NIPA2: variants seen among roughly 807,000 people sequenced by gnomAD.
NIPA2 encodes the protein NIPA magnesium transporter 2.
Under a neutral mutation model 29.7 loss-of-function variants are expected in NIPA2, and 11 were observed. The ratio of observed to expected loss-of-function variants is 0.37; its 90% confidence interval spans 0.23 to 0.61. The LOEUF (loss-of-function observed/expected upper bound fraction) is 0.61. Among genes scored for constraint, NIPA2 ranks in the 20% least tolerant of loss-of-function variants. The pLI is 0.66. For missense variants in NIPA2, 426 were observed against 437.9 expected (o/e 0.97, Z 0.24); for synonymous variants, 183 against 161.9 (o/e 1.13, Z -0.99).
intron 2 of NIPA2, among the ~76,000 whole-genome samples, chr15:22,842,986 G>A (rs1471643620): frequency 6.7e-6 from 1 of 150,370 alleles, no homozygotes; most frequent in Non-Finnish European, 1.5e-5. Flanking sequence ...CTGGGCAACA[G>A]AGTGAGACTC....
At chr15:22,855,652 A>ACCT in intron 5 of NIPA2, among the ~76,000 whole-genome samples, 1 of 152,074 alleles carries the variant, frequency 6.6e-6, no homozygotes, top group East Asian at 1.9e-4. Flanking sequence ...TGGGAAGGAG[A>ACCT]AGGAGTGAAG....
intron 3 of NIPA2, among the ~76,000 whole-genome samples, chr15:22,847,271 CT>C (rs1899017262): frequency 6.6e-6 from 1 of 151,984 alleles, no homozygotes; most frequent in Non-Finnish European, 1.5e-5. Flanking sequence ...TGGATATCAT[CT>C]TTATTGGTAA....
chr15:22,864,610 C>CGG (rs1361198873), intron 7 of NIPA2, among the ~76,000 whole-genome samples: 4 of 152,150 alleles, frequency 2.6e-5, no homozygotes, highest in African/African-American at 9.7e-5. Flanking sequence ...CTCTGTGGCA[C>CGG]GGGAGGGACA....
chr15:22,861,377 C>G (rs1278815481), intron 7 of NIPA2, among the ~76,000 whole-genome samples: 4 of 152,152 alleles, frequency 2.6e-5, no homozygotes, highest in African/African-American at 9.7e-5. Flanking sequence ...ATCTGCATTT[C>G]TCTTCAGCAG....
In NIPA2 at chr15:22,866,887, G is replaced by C. The variant is rs972232120; in HGVS notation, c.*40G>C. On this transcript the variant is annotated 3_prime_UTR_variant, in exon 8 of 8. Transcript: ENST00000337451. ...AAGGTTAATCTGTGATTGTTATGAA[G>C]TGAATTTGAATATCATCAGAATGTG... is the stretch of plus-strand genomic sequence containing the variant. The C allele has an allele frequency of 6.6e-7, 1 of 1,505,626 alleles. No homozygotes were observed. Among genetic ancestry groups the C allele is most frequent in the Admixed American group, 2.1e-5 (1 of 47,506 alleles). The allele number at this position is 1,505,626 out of a possible 1,614,324, so 93.3% of individuals were successfully genotyped here.
chr15:22,866,203 C>T lies in NIPA2; in HGVS notation c.449-10C>T, dbSNP rs1255502230. The T allele has an allele frequency of 1.9e-6, 3 of 1,603,182 alleles. No individual in the cohort carries two copies. Among genetic ancestry groups the T allele is most frequent in the Non-Finnish European group, 1.7e-6 (2 of 1,172,438 alleles). ...ATTTGACTCATGTAACTTTTCTTTGCCTCCTCCAGGTTTTGTGGTCTTTGC... is the reference window on the plus strand; with the variant it reads ...ATTTGACTCATGTAACTTTTCTTTGTCTCCTCCAGGTTTTGTGGTCTTTGC... On this transcript the variant is annotated splice_polypyrimidine_tract_variant and intron_variant, in intron 7 of 7. Coordinates refer to ENST00000337451, the MANE Select transcript of NIPA2 (RefSeq NM_030922.7).
intron 4 of NIPA2, among the ~76,000 whole-genome samples, 177 bp downstream of exon 4, chr15:22,852,047 G>A (rs767793242): frequency 5.3e-5 from 8 of 152,200 alleles, no homozygotes; most frequent in Non-Finnish European, 1.2e-4. Flanking sequence ...AAAGAAGTGA[G>A]AAGATGTCAT....
intron 3 of NIPA2, among the ~76,000 whole-genome samples, chr15:22,847,154 C>T (rs557335583): frequency 6.6e-6 from 1 of 152,086 alleles, no homozygotes; most frequent in East Asian, 1.9e-4. Context: ...GATCTGCCCG[C>T]TTCTTCCTCC....
At chr15:22,851,158 G>T (rs8032659) in intron 3 of NIPA2, among the ~76,000 whole-genome samples, 8,701 of 152,116 alleles carry the variant, frequency 0.057, 846 homozygotes, top group African/African-American at 0.2. Context: ...CCTTCTCTCA[G>T]CACATCCCTG....
intron 5 of NIPA2, among the ~76,000 whole-genome samples, 182 bp downstream of exon 5, chr15:22,853,450 T>C (rs2057928447): frequency 6.6e-6 from 1 of 151,320 alleles, no homozygotes; most frequent in Non-Finnish European, 1.5e-5. Context: ...CTTGGCTCAG[T>C]GCAACCTCCA....
chr15:22,852,746 A>T (rs1028171243), intron 4 of NIPA2, among the ~76,000 whole-genome samples: 1 of 152,126 alleles, frequency 6.6e-6, no homozygotes, highest in African/African-American at 2.4e-5. Context: ...CCCGGTGTTA[A>T]GTGGCGTTAT....
At chr15:22,854,979 TTC>T (rs780484215) in intron 5 of NIPA2, among the ~76,000 whole-genome samples, 2 of 152,192 alleles carry the variant, frequency 1.3e-5, no homozygotes, top group Non-Finnish European at 2.9e-5. Flanking sequence ...AAGAGGAGAA[TTC>T]TGTTTTAATT....
chr15:22,866,800 A>G lies in NIPA2; in HGVS notation c.1036A>G (p.Thr346Ala), dbSNP rs767223257. ...CTTAACCTGTGGAATCGAACAACACACTGGTGAAAATGTCTCCCGAAGAAA... is the reference window on the plus strand; with the variant it reads ...CTTAACCTGTGGAATCGAACAACACGCTGGTGAAAATGTCTCCCGAAGAAA... ...ESLTCGIEQHTGENVSRRNGN... is the reference protein window; with the variant it reads ...ESLTCGIEQHAGENVSRRNGN... Residue 346 changes from threonine (T) to alanine (A), a missense_variant, in exon 8 of 8, where the codon ACT becomes GCT. By Grantham distance (58) the Thr-to-Ala change is moderately conservative. Around this residue, in one of 3 missense-constraint regions of NIPA2, gnomAD observed 357 missense variants for 339.8 expected, o/e 1.05. Transcript: ENST00000337451. 1 of 1,607,712 alleles carries G rather than the reference A, an allele frequency of 6.2e-7. No homozygotes were observed. Among genetic ancestry groups the G allele is most frequent in the South Asian group, 1.1e-5 (1 of 89,950 alleles).
chr15:22,841,118 G>C (rs145522254), intron 2 of NIPA2, among the ~76,000 whole-genome samples: 82 of 152,250 alleles, frequency 5.4e-4, no homozygotes, highest in Admixed American at 9.8e-4. Flanking sequence ...AATTGTATTA[G>C]AGATTTTCCT....
Position 22,866,587 on chromosome 15 carries a change from C to T in NIPA2, c.823C>T (p.Pro275Ser). ...TCTTTTTAAGGAGTGGCAAGATATGCCTGTTGACGATGTCATTGGTACTTT... is the reference window on the plus strand; with the variant it reads ...TCTTTTTAAGGAGTGGCAAGATATGTCTGTTGACGATGTCATTGGTACTTT... ...AILFKEWQDM[P>S]VDDVIGTLSG... Residue 275 changes from proline (P) to serine (S), a missense_variant, in exon 8 of 8, where the codon CCT becomes TCT. Coordinates refer to ENST00000337451, the MANE Select transcript of NIPA2 (RefSeq NM_030922.7). 1.2e-6 allele frequency: 2 copies of T among 1,614,074 alleles called. No individual in the cohort carries two copies. The highest frequency in any genetic ancestry group is 1.7e-6 in the Non-Finnish European group (2 of 1,179,996).
rs2059202567 is a variant in NIPA2, at chr15:22,867,637, T to A, written c.*790T>A. Reference sequence around the variant, plus strand: ...ATTTTCATAATGAGTTATATTGTCATTTAGACTTTGAACAGCTCTGGGAAA... The same window carrying A: ...ATTTTCATAATGAGTTATATTGTCAATTAGACTTTGAACAGCTCTGGGAAA... On this transcript the variant is annotated 3_prime_UTR_variant, in exon 8 of 8. Coordinates refer to ENST00000337451, the MANE Select transcript of NIPA2 (RefSeq NM_030922.7). 1 of 155,546 alleles carries A rather than the reference T, an allele frequency of 6.4e-6. No homozygotes were observed. Among genetic ancestry groups the A allele is most frequent in the Admixed American group, 6.5e-5 (1 of 15,372 alleles). The allele number at this position is 155,546 out of a possible 1,614,324, so 9.6% of individuals were successfully genotyped here.
rs2059244633 is a variant in NIPA2 at position 22,867,964 on chromosome 15, TGG to T, written c.*1118_*1119del. On this transcript the variant is annotated 3_prime_UTR_variant, in exon 8 of 8. Coordinates refer to ENST00000337451, the MANE Select transcript of NIPA2 (RefSeq NM_030922.7). The stretch of plus-strand genomic sequence containing the variant: ...AACCTATCCACTCATAACCATTGAC[TGG>T]CCTTTAAAAAAAAGTATTGGCAGAA... The T allele has an allele frequency of 6.6e-6, 1 of 152,230 alleles. No individual in the cohort carries two copies. The highest frequency in any genetic ancestry group is 1.5e-5 in the Non-Finnish European group (1 of 68,038). 9.4% of individuals were successfully genotyped at this position (152,230 alleles called of 1,614,324 possible).
At chr15:22,843,086 T>G (rs745548751) in intron 2 of NIPA2, among the ~76,000 whole-genome samples, 24 of 151,686 alleles carry the variant, frequency 1.6e-4, no homozygotes, top group Non-Finnish European at 2.9e-4. Flanking sequence ...CAATTTGGTC[T>G]TCTTGCTACA....
chr15:22,859,296 T>C (rs899768862), intron 6 of NIPA2, among the ~76,000 whole-genome samples: 8 of 144,424 alleles, frequency 5.5e-5, no homozygotes, highest in Admixed American at 1.4e-4. Flanking sequence ...TTTTCTTTTT[T>C]TTTTTTTTTT....
Sources: allele counts gnomAD v4.1 joint callset (sites outside exome capture counted in the v4.1 genomes callset), GRCh38; gene constraint gnomAD v4.1.1; regional missense constraint gnomAD v4.1.1; transcripts MANE v1.5; gene names NCBI Gene and HGNC (gene_info 2026-07-23, HGNC 2026-07-21).